BIRC6: variants seen among roughly 807,000 people sequenced by gnomAD.
BIRC6 encodes baculoviral IAP repeat containing 6, also known as dual E2 ubiquitin-conjugating enzyme/E3 ubiquitin-protein ligase BIRC6.
BIRC6 carries 98 observed loss-of-function variants against 503.3 expected under a neutral mutation model. The observed-to-expected ratio is 0.19, with a 90% CI of 0.17 to 0.23. BIRC6 has a LOEUF of 0.23. Ranked by LOEUF, BIRC6 falls within the 10% of genes least tolerant of loss-of-function variation. The pLI is 1.00. For synonymous variants in BIRC6, 2,240 were observed against 2,078.7 expected, an observed-to-expected ratio of 1.08 and a Z score of -2.11; for missense variants, 5,360 against 5,806.0, an observed-to-expected ratio of 0.92 and a Z score of 2.50.
At chr2:32,589,474 C>T (rs1024548821) in intron 66 of BIRC6, among the ~76,000 whole-genome samples, 3 of 152,170 alleles carry the variant, frequency 2.0e-5, no homozygotes, top group African/African-American at 7.2e-5. Flanking sequence ...GATCTTCTAG[C>T]ACTTTAGTTA....
At chr2:32,446,355 C>T (rs1376186287) in intron 21 of BIRC6, among the ~76,000 whole-genome samples, 1 of 152,186 alleles carries the variant, frequency 6.6e-6, no homozygotes, top group Non-Finnish European at 1.5e-5. Flanking sequence ...ACTTGTATTT[C>T]AAAACTTCTA....
Position 32,477,482 on chromosome 2 carries a change from C to A in BIRC6, c.6967C>A (p.Leu2323Met). 1 of 1,614,038 alleles carries A rather than the reference C, an allele frequency of 6.2e-7. No homozygotes were observed. The change falls in exon 35 of 74, where the codon CTG (leucine) becomes ATG (methionine). Residue 2323 changes from leucine to methionine, a missense_variant. Leu to Met is a conservative substitution (Grantham distance 15, BLOSUM62 2). Transcript: ENST00000421745. ...TGAGATAGAACCACTTCCATTTACT[C>A]TGGCCCATGAGCGTTGTATCTCAGT... ...SPEIEPLPFT[L>M]AHERCISVVQ... is the part of the protein sequence containing the mutation.
chr2:32,609,749 C>CAA (rs11336710), intron 72 of BIRC6, among the ~76,000 whole-genome samples: 118 of 115,536 alleles, frequency 1.0e-3, no homozygotes, highest in African/African-American at 3.3e-3. Flanking sequence ...GACTCTGTCT[C>CAA]AAAAAAAAAA....
rs2038817622 is a variant in BIRC6, at chr2:32,388,605, G to T, written c.646-145G>T. ...AAATATTTTATTTTTTTTTATAACT[G>T]CAAGTTTCTGTTTTAAATGATAAAC... is the stretch of plus-strand genomic sequence containing the variant. On this transcript the variant is annotated intron_variant, in intron 3 of 73. Transcript: ENST00000421745. 1.0e-5 allele frequency: 6 copies of T among 596,818 alleles called. No homozygotes were observed. In the Admixed American group the frequency reaches 1.9e-4, roughly 19 times the overall value. 37.0% of individuals were successfully genotyped at this position (596,818 alleles called of 1,614,324 possible). A position where few individuals can be genotyped will look rare whatever the true frequency, so the allele number is the denominator to read the frequency against.
At chr2:32,565,070 G>A (rs543616641) in intron 65 of BIRC6, 9 of 152,350 alleles carry the variant, frequency 5.9e-5, no homozygotes, top group African/African-American at 1.7e-4. Context: ...AGATAGTTGT[G>A]TTCTTTTAAA....
At chr2:32,378,774 T>G (rs2037207816) in intron 2 of BIRC6, among the ~76,000 whole-genome samples, 1 of 152,316 alleles carries the variant, frequency 6.6e-6, no homozygotes, top group South Asian at 2.1e-4. Flanking sequence ...CAGTAATTTT[T>G]GCTATGCATC....
In BIRC6 at chr2:32,377,621, T is replaced by A; in HGVS notation, c.359T>A (p.Ile120Asn). 1 of 1,612,784 alleles carries A rather than the reference T, an allele frequency of 6.2e-7. No homozygotes were observed. Residue 120 changes from isoleucine to asparagine, a missense_variant, in exon 2 of 74, where the codon ATC becomes AAC. By Grantham distance (149) the Ile-to-Asn change is moderately radical (BLOSUM62 -3). This residue lies in a region of BIRC6 where 47 missense variants were observed against 93.3 expected (regional missense o/e 0.50). Transcript: ENST00000421745. ...GGTGGACAGGTGAAATGTCAGTATA[T>A]CTCTGCTGTGGATAAAGTTATATTT... ...KPGGQVKCQY[I>N]SAVDKVIFVD...
rs2036226138 is a variant in BIRC6 at position 32,373,171 on chromosome 2, C to T, written c.326-4417C>T. Among the ~76,000 whole-genome samples, 6 of 152,054 alleles carry T rather than the reference C, an allele frequency of 3.9e-5. No individual in the cohort carries two copies. In the South Asian group the frequency reaches 1.2e-3, roughly 32 times the overall value. The stretch of plus-strand genomic sequence containing the variant: ...CAATTTGCAGACTCATTGCAATTTG[C>T]AGACTCATTGCAATTCCTATCAAAA... On this transcript the variant is annotated intron_variant, in intron 1 of 73. Transcript: ENST00000421745.
At position 32,415,815 on chromosome 2, in the gene BIRC6, G is replaced by A; in HGVS notation, c.2524G>A (p.Glu842Lys). ...CACTCGGATAGTGACTTTAGAAGAG[G>A]AGCCAATAAAAATACAACATATCAA... ...YATRIVTLEE[E>K]PIKIQHIKDP... The change falls in exon 10 of 74, where the codon GAG (glutamate) becomes AAG (lysine). Residue 842 changes from glutamate (E) to lysine (K), a missense_variant. Transcript: ENST00000421745. 6.2e-7 allele frequency: 1 copy of A among 1,613,700 alleles called. No homozygotes were observed. The highest frequency in any genetic ancestry group is 8.5e-7 in the Non-Finnish European group (1 of 1,179,858).
At chr2:32,600,127 A>G (rs530503519) in intron 70 of BIRC6, among the ~76,000 whole-genome samples, 13 of 152,334 alleles carry the variant, frequency 8.5e-5, no homozygotes, top group African/African-American at 3.1e-4. Flanking sequence ...TTACTCGGGG[A>G]CTTAACGTAA....
At chr2:32,425,411 C>G (rs2043370829) in intron 10 of BIRC6, among the ~76,000 whole-genome samples, 1 of 149,482 alleles carries the variant, frequency 6.7e-6, no homozygotes, top group Non-Finnish European at 1.5e-5. Context: ...TCTGGGCTTT[C>G]TCAGGTATGC....
rs1429590278 is a variant in BIRC6, at chr2:32,531,376, G to A, written c.12116G>A (p.Ser4039Asn). ...CTAGATCATGGAGACTTACTTGCTA[G>A]CTGTCCAGAAGATGAGGCTCTCACT... ...PEKDHGDLLA[S>N]CPEDEALTPG... The change falls in exon 61 of 74, where the codon AGC becomes AAC. Residue 4039 changes from serine (S) to asparagine (N), a missense_variant. By Grantham distance (46) the Ser-to-Asn change is conservative (BLOSUM62 1). Coordinates refer to ENST00000421745, the MANE Select transcript of BIRC6 (RefSeq NM_016252.4). The A allele has an allele frequency of 2.5e-6, 4 of 1,611,630 alleles. No individual in the cohort carries two copies. In the Admixed American group the frequency reaches 6.7e-5, roughly 27 times the overall value.
rs2061771015 is a variant in BIRC6 at position 32,597,762 on chromosome 2, A to T, written c.13624A>T (p.Met4542Leu). The change falls in exon 69 of 74, where the codon ATG becomes TTG. Residue 4542 changes from methionine (M) to leucine (L), a missense_variant. Coordinates refer to ENST00000421745, the MANE Select transcript of BIRC6 (RefSeq NM_016252.4). ...MKKLQFDTFE[M>L]VSEDEDGKLG... ...TCTTCTCCTTTTAGATACGTTTGAA[A>T]TGGTTTCTGAAGATGAAGATGGGAA... 2 of 1,611,566 alleles carry T rather than the reference A, an allele frequency of 1.2e-6. No individual in the cohort carries two copies. The highest frequency in any genetic ancestry group is 4.5e-5 in the East Asian group (2 of 44,848).
intron 10 of BIRC6, among the ~76,000 whole-genome samples, chr2:32,425,581 GT>G (rs1476860441): frequency 1.3e-5 from 2 of 151,912 alleles, no homozygotes; most frequent in Non-Finnish European, 2.9e-5. Flanking sequence ...GATTTTGCTT[GT>G]TTCCAGCTGC....
At chr2:32,360,853 T>C (rs141952413) in intron 1 of BIRC6, among the ~76,000 whole-genome samples, 2 of 152,310 alleles carry the variant, frequency 1.3e-5, no homozygotes, top group East Asian at 3.9e-4. Context: ...TTTATTTGTT[T>C]ATATATCCCT....
At chr2:32,537,132 T>C (rs901287911) in intron 61 of BIRC6, among the ~76,000 whole-genome samples, 4 of 152,218 alleles carry the variant, frequency 2.6e-5, no homozygotes, top group African/African-American at 9.7e-5. Flanking sequence ...ACTGCTGAAG[T>C]TGCCTATCAG....
rs1370104803 is a variant in BIRC6, at chr2:32,357,347, C to T, written c.186C>T (p.Cys62=). The T allele has an allele frequency of 2.6e-6, 4 of 1,544,532 alleles. No homozygotes were observed. The highest frequency in any genetic ancestry group is 3.5e-6 in the Non-Finnish European group (4 of 1,146,068). The change falls in exon 1 of 74, where the codon TGC becomes TGT. Residue 62 remains cysteine, a synonymous_variant. Coordinates refer to ENST00000421745, the MANE Select transcript of BIRC6 (RefSeq NM_016252.4). This position sits in a 1 kb window ranked among gnomAD's most constrained non-coding sequence, Gnocchi z 4.9. Reference sequence around the variant, plus strand: ...AGTGGCTGGTGCTGCGGGACGGCTGCATGCACTGCGACGCCGACGGGCTGC... The same window carrying T: ...AGTGGCTGGTGCTGCGGGACGGCTGTATGCACTGCGACGCCGACGGGCTGC... The part of the protein sequence containing the change: ...VSEWLVLRDG[C]MHCDADGLHS...
At chr2:32,525,430 A>C in intron 58 of BIRC6, 34 bp from the exon 59 acceptor site, 1 of 1,611,252 alleles carries the variant, frequency 6.2e-7, no homozygotes, top group South Asian at 1.1e-5. Flanking sequence ...TAGTGTGTTG[A>C]CTATGTAGAA....
intron 66 of BIRC6, among the ~76,000 whole-genome samples, chr2:32,584,771 T>C (rs1239245219): frequency 6.6e-6 from 1 of 152,216 alleles, no homozygotes; most frequent in East Asian, 1.9e-4. Flanking sequence ...TTTCCTCTAC[T>C]TGCCTACTAT....
Sources: gnomAD v4.1 joint callset for allele counts (sites outside exome capture counted in the v4.1 genomes callset) on GRCh38, gnomAD v4.1.1 for gene constraint, gnomAD v4.1.1 regional missense constraint, Gnocchi (gnomAD v3.1) non-coding constraint, MANE v1.5 for transcripts, NCBI Gene and HGNC (gene_info 2026-07-23, HGNC 2026-07-21) for gene names.